Variants in LRRC7 observed in about 807,000 individuals in gnomAD.
The protein encoded by LRRC7 is leucine rich repeat containing 7, also known as leucine-rich repeat-containing protein 7.
Under a neutral mutation model 175.7 loss-of-function variants are expected in LRRC7, and 23 were observed. That is an observed-to-expected ratio of 0.13 (90% CI 0.09 to 0.19). The LOEUF (loss-of-function observed/expected upper bound fraction) is 0.19. LRRC7 is among the 10% of genes least tolerant of loss of function. The pLI is 1.00. For synonymous variants in LRRC7, 685 were observed against 680.9 expected, an observed-to-expected ratio of 1.01 and a Z score of -0.09; for missense variants, 1,354 against 1,904.7, an observed-to-expected ratio of 0.71 and a Z score of 5.38.
chr1:69,878,045 G>T (rs867860193), intron 7 of LRRC7, among the ~76,000 whole-genome samples: 3 of 152,228 alleles, frequency 2.0e-5, no homozygotes, highest in Middle Eastern at 3.4e-3. Context: ...AGAATCAGAA[G>T]TGCAGTTATG....
At position 70,125,924 on chromosome 1, in the gene LRRC7, C is replaced by A. The variant is rs532967686; in HGVS notation, c.*4037C>A. On this transcript the variant is annotated 3_prime_UTR_variant, in exon 27 of 27. Transcript: ENST00000651989. ...GGTTAGATGAAAGAAACCAAAAAAA[C>A]CATTTTATTTTTAATCATAAAATCT... 4.4e-4 allele frequency among the ~76,000 whole-genome samples: 66 copies of A among 151,114 alleles called. No homozygotes were observed. The highest frequency in any genetic ancestry group is 1.6e-3 in the African/African-American group (64 of 41,262).
chr1:70,101,657 C>T (rs1164148002), intron 25 of LRRC7, among the ~76,000 whole-genome samples: 2 of 152,182 alleles, frequency 1.3e-5, no homozygotes, highest in Non-Finnish European at 2.9e-5. Context: ...CAAACTTATC[C>T]TTTTTCCAAA....
chr1:69,614,321 G>C (rs528721218), intron 1 of LRRC7, among the ~76,000 whole-genome samples: 2 of 152,116 alleles, frequency 1.3e-5, no homozygotes, highest in East Asian at 3.9e-4. Flanking sequence ...ACAAACACCA[G>C]GAGCATAATA....
intron 7 of LRRC7, among the ~76,000 whole-genome samples, chr1:69,927,443 A>G (rs144940477): frequency 0.03 from 4,549 of 152,256 alleles, 228 homozygotes; most frequent in African/African-American, 0.1. Flanking sequence ...TTTCAGGTAC[A>G]CCAGTCAGAC....
intron 8 of LRRC7, among the ~76,000 whole-genome samples, chr1:69,934,554 A>G (rs760582315): frequency 1.3e-5 from 2 of 151,494 alleles, no homozygotes; most frequent in South Asian, 2.1e-4. Context: ...TTTGCTCAAC[A>G]TAAGATGAAT....
intron 1 of LRRC7, among the ~76,000 whole-genome samples, chr1:69,622,900 G>A (rs1419196500): frequency 1.3e-5 from 2 of 152,176 alleles, no homozygotes; most frequent in African/African-American, 4.8e-5. Context: ...CTGTCTATTT[G>A]AGGTGGCTAC....
At chr1:70,028,899 G>C (rs1332395468) in intron 18 of LRRC7, among the ~76,000 whole-genome samples, 1 of 152,110 alleles carries the variant, frequency 6.6e-6, no homozygotes, top group African/African-American at 2.4e-5. Context: ...CTATATTTTA[G>C]AATGAGTTAG....
At chr1:70,102,696 T>G (rs1324104591) in intron 25 of LRRC7, among the ~76,000 whole-genome samples, 1 of 152,146 alleles carries the variant, frequency 6.6e-6, no homozygotes, top group Non-Finnish European at 1.5e-5. Context: ...TAAAGTAACA[T>G]TTATTGATGC....
rs996860526 is a variant in LRRC7, at chr1:70,082,394, A to G, written c.4452+6096A>G. On this transcript the variant is annotated intron_variant, in intron 24 of 26. Transcript: ENST00000651989. ...ATTGCTATTTGTGAATATTTCCCCC[A>G]TAGAATTTTATTCTCCAGTCATCAA... is the stretch of plus-strand genomic sequence containing the variant. Among the ~76,000 whole-genome samples, 3 of 152,146 alleles carry G rather than the reference A, an allele frequency of 2.0e-5. No individual in the cohort carries two copies. In the East Asian group the frequency reaches 5.8e-4, roughly 29 times the overall value.
chr1:69,601,742 T>C (rs929815232), intron 1 of LRRC7, among the ~76,000 whole-genome samples: 18 of 152,208 alleles, frequency 1.2e-4, no homozygotes, highest in African/African-American at 4.3e-4. Flanking sequence ...TGGGTTAGGC[T>C]ACTGACCTCT....
At chr1:69,935,837 A>G (rs928529300) in intron 8 of LRRC7, among the ~76,000 whole-genome samples, 4 of 152,172 alleles carry the variant, frequency 2.6e-5, no homozygotes, top group Admixed American at 2.6e-4. Context: ...AAGAAAATGT[A>G]TAGTTTTTTG....
chr1:70,060,888 T>C (rs184218330), intron 23 of LRRC7, among the ~76,000 whole-genome samples: 1 of 152,328 alleles, frequency 6.6e-6, no homozygotes, highest in East Asian at 1.9e-4. Context: ...TTTTTTGCCT[T>C]AGGCTTTGTA....
intron 1 of LRRC7, among the ~76,000 whole-genome samples, chr1:69,671,972 G>A (rs1659145088): frequency 6.6e-6 from 1 of 152,108 alleles, no homozygotes; most frequent in African/African-American, 2.4e-5. Flanking sequence ...CACTGTGAGT[G>A]TTCACCTGGT....
At chr1:70,003,152 C>T (rs1354058319) in intron 11 of LRRC7, among the ~76,000 whole-genome samples, 2 of 152,140 alleles carry the variant, frequency 1.3e-5, no homozygotes, top group African/African-American at 4.8e-5. Flanking sequence ...GACCTCTTTG[C>T]ATGGGTTGGT....
intron 7 of LRRC7, among the ~76,000 whole-genome samples, chr1:69,886,371 A>G (rs1687199606): frequency 6.6e-6 from 1 of 150,560 alleles, no homozygotes; most frequent in African/African-American, 2.4e-5. Flanking sequence ...CCATTATGTA[A>G]TGGCCTTCTT....
intron 7 of LRRC7, among the ~76,000 whole-genome samples, chr1:69,865,351 T>C (rs557415194): frequency 6.6e-6 from 1 of 150,942 alleles, no homozygotes; most frequent in South Asian, 2.1e-4. Context: ...AGGGTAGCTA[T>C]AAGAATACAG....
intron 2 of LRRC7, among the ~76,000 whole-genome samples, chr1:69,702,693 G>A (rs572611336): frequency 6.6e-6 from 1 of 152,048 alleles, no homozygotes; most frequent in Non-Finnish European, 1.5e-5. Flanking sequence ...GAATAAGTGT[G>A]GTAGAGAGGG....
chr1:69,575,926 T>G (rs896310151), intron 1 of LRRC7, among the ~76,000 whole-genome samples: 49 of 152,138 alleles, frequency 3.2e-4, no homozygotes, highest in Non-Finnish European at 1.2e-4. Flanking sequence ...ACAGACTCAT[T>G]TCTGAGAAGT....
At chr1:69,617,996 A>G (rs1194910773) in intron 1 of LRRC7, among the ~76,000 whole-genome samples, 1 of 152,140 alleles carries the variant, frequency 6.6e-6, no homozygotes, top group Non-Finnish European at 1.5e-5. Flanking sequence ...GAAATAATGG[A>G]AGACACTGGC....
Sources: gnomAD v4.1 joint callset for allele counts (sites outside exome capture counted in the v4.1 genomes callset) on GRCh38, gnomAD v4.1.1 for gene constraint, MANE v1.5 for transcripts, NCBI Gene and HGNC (gene_info 2026-07-23, HGNC 2026-07-21) for gene names.